The following CDYL variants were observed in gnomAD, a reference collection of about 807,000 sequenced individuals.
CDYL encodes the protein chromodomain Y-like protein.
A neutral mutation model predicts 47.3 loss-of-function variants in CDYL; 8 were observed. The ratio of observed to expected loss-of-function variants is 0.17; its 90% confidence interval spans 0.10 to 0.31. The LOEUF is 0.31. CDYL is among the 10% of genes least tolerant of loss of function. The pLI is 1.00. For synonymous variants in CDYL, 266 were observed against 265.0 expected (o/e 1.00, Z -0.04); for missense variants, 471 against 701.4 (o/e 0.67, Z 3.71).
Position 4,837,462 on chromosome 6 carries a change from CGTT to C in CDYL, c.25-54247_25-54245del, listed in dbSNP as rs368079950. The stretch of plus-strand genomic sequence containing the variant: ...TAGTAAATACTCTTTTTTTTGTTGT[CGTT>C]GTTTTTTTTTTTTTTTGGAGACAGA... On this transcript the variant is annotated intron_variant, in intron 1 of 6. Transcript: ENST00000397588. Among the ~76,000 whole-genome samples, 894 of 148,716 alleles carry C rather than the reference CGTT, an allele frequency of 6.0e-3. 2 individuals are homozygous for C. Among genetic ancestry groups the C allele is most frequent in the South Asian group, 0.024 (111 of 4,702 alleles).
chr6:4,864,875 G>A (rs1446807336), intron 1 of CDYL, among the ~76,000 whole-genome samples: 2 of 152,168 alleles, frequency 1.3e-5, no homozygotes, highest in East Asian at 1.9e-4. Flanking sequence ...TGCTAAAGCT[G>A]TAAGGATAAC....
intron 2 of CDYL, among the ~76,000 whole-genome samples, chr6:4,924,241 T>G (rs1238273573): frequency 1.3e-5 from 2 of 152,198 alleles, no homozygotes; most frequent in African/African-American, 4.8e-5. Context: ...TTTTTTGGAG[T>G]TGATTCTCTG....
At chr6:4,836,356 C>T in intron 1 of CDYL, 1 of 656,072 alleles carries the variant, frequency 1.5e-6, no homozygotes, top group East Asian at 1.4e-4. Flanking sequence ...GAATTCCAAC[C>T]CCCTAGAGGA....
intron 1 of CDYL, among the ~76,000 whole-genome samples, chr6:4,881,681 C>T (rs997741316): frequency 2.0e-5 from 3 of 152,156 alleles, no homozygotes; most frequent in African/African-American, 7.2e-5. Context: ...TTGCATTAAA[C>T]ATTATTACAC....
chr6:4,926,747 A>T (rs1757885064), intron 2 of CDYL, among the ~76,000 whole-genome samples: 1 of 152,256 alleles, frequency 6.6e-6, no homozygotes, highest in Non-Finnish European at 1.5e-5. Context: ...TCTATAATTT[A>T]CATTCCTAAT....
chr6:4,717,668 G>C (rs1757290270), intron 2 of CDYL, among the ~76,000 whole-genome samples: 1 of 110,820 alleles, frequency 9.0e-6, no homozygotes, highest in Admixed American at 1.4e-4. Context: ...TCAGGTCATT[G>C]CACTGAAGCT....
chr6:4,897,832 C>T (rs1215227757), intron 2 of CDYL, among the ~76,000 whole-genome samples: 79 of 147,114 alleles, frequency 5.4e-4, no homozygotes, highest in African/African-American at 1.2e-3. Context: ...CCAAGGCGGG[C>T]GGATCATGAG....
At chr6:4,902,064 A>T (rs546415070) in intron 2 of CDYL, among the ~76,000 whole-genome samples, 4 of 152,114 alleles carry the variant, frequency 2.6e-5, no homozygotes, top group African/African-American at 9.7e-5. Flanking sequence ...GAAGGGGATG[A>T]GAGGATACCC....
At chr6:4,795,692 G>C (rs1053732720) in intron 1 of CDYL, among the ~76,000 whole-genome samples, 1 of 150,816 alleles carries the variant, frequency 6.6e-6, no homozygotes, top group Non-Finnish European at 1.5e-5. Context: ...TTTTCTCTTA[G>C]AGGTATTTCT....
At chr6:4,805,508 G>C (rs1759344823) in intron 1 of CDYL, among the ~76,000 whole-genome samples, 1 of 152,128 alleles carries the variant, frequency 6.6e-6, no homozygotes, top group Admixed American at 6.5e-5. Flanking sequence ...TTATTATAGG[G>C]ATTTGTTTAT....
intron 2 of CDYL, among the ~76,000 whole-genome samples, chr6:4,731,342 G>A (rs6917691): frequency 0.14 from 21,505 of 152,094 alleles, 1,999 homozygotes; most frequent in African/African-American, 0.28. Flanking sequence ...CAGTATTAAA[G>A]GGTGCTAGTG....
At chr6:4,792,596 C>T (rs908918229) in intron 1 of CDYL, among the ~76,000 whole-genome samples, 2 of 151,718 alleles carry the variant, frequency 1.3e-5, no homozygotes, top group East Asian at 1.9e-4. Flanking sequence ...CTACCATGGC[C>T]GACTAATTTT....
intron 1 of CDYL, among the ~76,000 whole-genome samples, chr6:4,849,683 A>G (rs959256647): frequency 9.4e-5 from 6 of 64,072 alleles, no homozygotes; most frequent in South Asian, 8.2e-4. Context: ...TCATGCCAGG[A>G]AAAAAAAAAA....
intron 1 of CDYL, chr6:4,714,010 G>C (rs1757205686): frequency 6.6e-6 from 1 of 152,212 alleles, no homozygotes; most frequent in South Asian, 2.1e-4. Context: ...AGGATGCCGT[G>C]TGCCAGGAGT....
intron 2 of CDYL, among the ~76,000 whole-genome samples, chr6:4,724,186 A>C (rs1467762589): frequency 6.6e-6 from 1 of 151,104 alleles, no homozygotes; most frequent in Non-Finnish European, 1.5e-5. Flanking sequence ...GACCACAGGC[A>C]TGTGCCATCA....
intron 1 of CDYL, among the ~76,000 whole-genome samples, chr6:4,824,711 G>A (rs1384935392): frequency 6.6e-6 from 1 of 151,754 alleles, no homozygotes; most frequent in Non-Finnish European, 1.5e-5. Flanking sequence ...GTTTTTAATT[G>A]GTTAAAGTTC....
At chr6:4,866,205 G>A (rs1761317159) in intron 1 of CDYL, among the ~76,000 whole-genome samples, 1 of 152,118 alleles carries the variant, frequency 6.6e-6, no homozygotes, top group African/African-American at 2.4e-5. Flanking sequence ...AAGTACCCAA[G>A]TTAAAAATCA....
chr6:4,826,089 C>T (rs1167881982), intron 1 of CDYL, among the ~76,000 whole-genome samples: 3 of 152,208 alleles, frequency 2.0e-5, no homozygotes, highest in African/African-American at 7.2e-5. Flanking sequence ...GTTTCATTTT[C>T]TCCATTCTGT....
intron 1 of CDYL, among the ~76,000 whole-genome samples, chr6:4,817,395 A>T (rs1467777100): frequency 6.6e-6 from 1 of 151,624 alleles, no homozygotes; most frequent in Non-Finnish European, 1.5e-5. Context: ...ATCAGAAGCC[A>T]TGGCTTTTGT....
Sources: allele counts gnomAD v4.1 joint callset (sites outside exome capture counted in the v4.1 genomes callset), GRCh38; gene constraint gnomAD v4.1.1; transcripts MANE v1.5; gene names NCBI Gene and HGNC (gene_info 2026-07-23, HGNC 2026-07-21).